Variants in EVC2 observed in about 807,000 individuals in gnomAD.
EVC2 encodes the protein EvC ciliary complex subunit 2.
EVC2 carries 148 observed loss-of-function variants against 149.3 expected under a neutral mutation model. The ratio of observed to expected loss-of-function variants is 0.99; its 90% CI spans 0.87 to 1.14. The LOEUF (loss-of-function observed/expected upper bound fraction) is 1.14, where lower values mean the gene tolerates loss of function less well. Among genes scored for constraint, EVC2 ranks in the 50% most tolerant of loss-of-function variants. The pLI is 0.00. For missense variants in EVC2, 1,854 were observed against 1,627.3 expected, an observed-to-expected ratio of 1.14 and a Z score of -2.40; for synonymous variants, 776 against 649.9, an observed-to-expected ratio of 1.19 and a Z score of -2.95.
chr4:5,569,505 A>T lies in EVC2; in HGVS notation c.3361-865T>A, dbSNP rs1326006709. Among the ~76,000 whole-genome samples the T allele has an allele frequency of 6.6e-6, 1 of 152,142 alleles. No homozygotes were observed. Among genetic ancestry groups the T allele is most frequent in the Non-Finnish European group, 1.5e-5 (1 of 68,022 alleles). On this transcript the variant is annotated intron_variant, in intron 19 of 21. Coordinates refer to ENST00000344408, the MANE Select transcript of EVC2 (RefSeq NM_147127.5). The surrounding 1 kb of genome is among the most constrained non-coding windows in gnomAD (Gnocchi z 4.8). The stretch of plus-strand genomic sequence containing the variant: ...ATCTAAAATAACTTCAAAATTAAAA[A>T]TTTTGGCCAGGCATGGGGGCTCACA...
At chr4:5,697,746 CTTTT>C (rs748171113) in intron 1 of EVC2, 99 bp from the exon 2 acceptor site, 27 of 814,238 alleles carry the variant, frequency 3.3e-5, no homozygotes, top group Admixed American at 1.3e-4. Context: ...AGGACATGCA[CTTTT>C]TTTTTTTTTT....
chr4:5,537,802 A>G (rs1721447981), downstream of EVC2, among the ~76,000 whole-genome samples: 1 of 152,210 alleles, frequency 6.6e-6, no homozygotes, highest in Admixed American at 6.5e-5. Context: ...TTTACTAGAG[A>G]GAAATTTATG....
chr4:5,625,667 C>T lies in EVC2; in HGVS notation c.2046+82G>A. The T allele has an allele frequency of 6.4e-7, 1 of 1,573,404 alleles. No individual in the cohort carries two copies. On this transcript the variant is annotated intron_variant, in intron 13 of 21. Coordinates refer to ENST00000344408, the MANE Select transcript of EVC2 (RefSeq NM_147127.5). This position sits in a 1 kb window ranked among gnomAD's most constrained non-coding sequence, Gnocchi z 4.0. ...CCTTCTGATCCTAGTTCACCAATGGCAATGTCTGGCACAGTACCTGGCACT... is the reference window on the plus strand; with the variant it reads ...CCTTCTGATCCTAGTTCACCAATGGTAATGTCTGGCACAGTACCTGGCACT...
chr4:5,672,323 GT>G (rs1363377259), intron 7 of EVC2, among the ~76,000 whole-genome samples: 2 of 152,234 alleles, frequency 1.3e-5, no homozygotes, highest in Non-Finnish European at 2.9e-5. Flanking sequence ...TCGAGAGCAG[GT>G]TAGGGATTTG....
rs555683825 is a variant in EVC2 at position 5,687,415 on chromosome 4, A to G, written c.706+1742T>C. Among the ~76,000 whole-genome samples, 4 of 152,206 alleles carry G rather than the reference A, an allele frequency of 2.6e-5. No homozygotes were observed. The East Asian group carries it at 5.8e-4, about 22-fold the overall frequency. ...AGGTGGGTGTTACTAGCATGCCCAG[A>G]GGAGAGATGGAGAGCCAAGGTTCAG... is the stretch of plus-strand genomic sequence containing the variant. On this transcript the variant is annotated intron_variant, in intron 5 of 21. Coordinates refer to ENST00000344408, the MANE Select transcript of EVC2 (RefSeq NM_147127.5).
chr4:5,691,617 T>C (rs1299086410), intron 3 of EVC2, among the ~76,000 whole-genome samples: 1 of 152,158 alleles, frequency 6.6e-6, no homozygotes, highest in Non-Finnish European at 1.5e-5. Context: ...AAGACTGACA[T>C]ACCAGCAAGG....
At chr4:5,591,380 A>G (rs1712780001) in intron 16 of EVC2, among the ~76,000 whole-genome samples, 1 of 152,210 alleles carries the variant, frequency 6.6e-6, no homozygotes, top group African/African-American at 2.4e-5. Flanking sequence ...ATCATGCTTC[A>G]GCTGACAGAA....
chr4:5,638,300 A>T (rs941829996), intron 10 of EVC2, among the ~76,000 whole-genome samples: 2 of 152,052 alleles, frequency 1.3e-5, no homozygotes, highest in African/African-American at 4.8e-5. Flanking sequence ...GAGGCAAGAG[A>T]ATCACTTGAG....
At chr4:5,673,879 C>T (rs527302714) in intron 7 of EVC2, among the ~76,000 whole-genome samples, 2 of 152,170 alleles carry the variant, frequency 1.3e-5, no homozygotes, top group Non-Finnish European at 2.9e-5. Context: ...GGTGGGATTA[C>T]GGCATGAAGC....
At chr4:5,678,476 C>G (rs1030562117) in intron 7 of EVC2, among the ~76,000 whole-genome samples, 2 of 152,194 alleles carry the variant, frequency 1.3e-5, no homozygotes, top group African/African-American at 4.8e-5. Context: ...TGTATCTTTT[C>G]ATTGTAGTAA....
chr4:5,595,791 A>G (rs535581109), intron 16 of EVC2, among the ~76,000 whole-genome samples: 1 of 152,374 alleles, frequency 6.6e-6, no homozygotes, highest in African/African-American at 2.4e-5. Flanking sequence ...ATAAAGAGTC[A>G]AGACCCATCT....
Position 5,636,660 on chromosome 4 carries a change from G to A in EVC2, c.1470+3854C>T, listed in dbSNP as rs1045736177. Among the ~76,000 whole-genome samples, 1 of 152,158 alleles carries A rather than the reference G, an allele frequency of 6.6e-6. No homozygotes were observed. Among genetic ancestry groups the A allele is most frequent in the Non-Finnish European group, 1.5e-5 (1 of 68,034 alleles). On this transcript the variant is annotated intron_variant, in intron 10 of 21. Coordinates refer to ENST00000344408, the MANE Select transcript of EVC2 (RefSeq NM_147127.5). This position sits in a 1 kb window ranked among gnomAD's most constrained non-coding sequence, Gnocchi z 4.6. ...ATTTTGGTATCCATGGGGGTGGGAT[G>A]GTGGGGAGGGTCCTGGAACCAATGC...
chr4:5,670,608 C>G lies in EVC2; in HGVS notation c.871-4959G>C, dbSNP rs1334545739. ...TCAACATCATCAATATCACCATCAC[C>G]ATCATCTTCACCATCACCATCACTA... On this transcript the variant is annotated intron_variant, in intron 7 of 21. Transcript: ENST00000344408. This position sits in a 1 kb window ranked among gnomAD's most constrained non-coding sequence, Gnocchi z 5.2. Among the ~76,000 whole-genome samples the G allele has an allele frequency of 1.3e-5, 2 of 151,914 alleles. No homozygotes were observed. The highest frequency in any genetic ancestry group is 2.9e-5 in the Non-Finnish European group (2 of 67,998).
intron 15 of EVC2, among the ~76,000 whole-genome samples, chr4:5,616,033 C>A (rs111840062): frequency 0.045 from 6,821 of 152,278 alleles, 484 homozygotes; most frequent in African/African-American, 0.15. Context: ...TAGGCTGGGG[C>A]TGGGAGGGGA....
At chr4:5,652,798 T>C (rs527427917) in intron 9 of EVC2, among the ~76,000 whole-genome samples, 20 of 152,294 alleles carry the variant, frequency 1.3e-4, no homozygotes, top group Admixed American at 5.2e-4. Context: ...TTTGAAGATA[T>C]GAAATGCAGC....
At chr4:5,689,832 G>C (rs959850626) in intron 4 of EVC2, among the ~76,000 whole-genome samples, 3 of 152,280 alleles carry the variant, frequency 2.0e-5, no homozygotes, top group African/African-American at 7.2e-5. Flanking sequence ...TGTCTCAGTG[G>C]CTCTACTGCC....
At chr4:5,655,189 G>A (rs1028798031) in intron 9 of EVC2, among the ~76,000 whole-genome samples, 2 of 152,070 alleles carry the variant, frequency 1.3e-5, no homozygotes, top group East Asian at 1.9e-4. Context: ...TAAGAACCCC[G>A]TCATGTCAGG....
At chr4:5,557,596 A>G (rs773435929), downstream of EVC2, among the ~76,000 whole-genome samples, 8 of 152,146 alleles carry the variant, frequency 5.3e-5, no homozygotes, top group Non-Finnish European at 1.2e-4. Flanking sequence ...TACAAATTGG[A>G]AAGGAATAAA....
intron 2 of EVC2, among the ~76,000 whole-genome samples, chr4:5,697,087 C>T (rs7673803): frequency 0.94 from 142,530 of 152,282 alleles, 66,782 homozygotes; most frequent in African/African-American, 0.97. Context: ...GCAGTATCCC[C>T]AATCCATCCC....
Sources: gnomAD v4.1 joint callset for allele counts (sites outside exome capture counted in the v4.1 genomes callset) on GRCh38, gnomAD v4.1.1 for gene constraint, Gnocchi (gnomAD v3.1) non-coding constraint, MANE v1.5 for transcripts, NCBI Gene and HGNC (gene_info 2026-07-23, HGNC 2026-07-21) for gene names.